Variants in VPS54 observed in about 807,000 individuals in gnomAD.
VPS54 encodes the protein vacuolar protein sorting-associated protein 54.
In VPS54, 45 loss-of-function variants were observed where a neutral mutation model predicts 121.5. That is an observed-to-expected ratio of 0.37 (90% confidence interval 0.29 to 0.47). The LOEUF is 0.47. Ranked by LOEUF, VPS54 falls within the 20% of genes least tolerant of loss-of-function variation. VPS54 has a pLI of 0.99. For missense variants in VPS54, 1,090 were observed against 1,131.4 expected (o/e 0.96, Z 0.52); for synonymous variants, 371 against 385.8 (o/e 0.96, Z 0.45).
At chr2:63,893,624 T>A in intron 22 of VPS54, 89 bp from the exon 23 acceptor site, 4 of 1,147,246 alleles carry the variant, frequency 3.5e-6, no homozygotes, top group Non-Finnish European at 4.9e-6. Flanking sequence ...CAGAGTCCTA[T>A]TATCTAAAAT....
chr2:64,010,885 AC>A (rs546318050), intron 1 of VPS54, among the ~76,000 whole-genome samples: 48 of 152,172 alleles, frequency 3.2e-4, no homozygotes, highest in Non-Finnish European at 6.2e-4. Context: ...GGCTTAAGGA[AC>A]CCAGAAAATA....
intron 1 of VPS54, among the ~76,000 whole-genome samples, chr2:63,996,167 C>T (rs1017258292): frequency 5.9e-5 from 9 of 152,124 alleles, no homozygotes; most frequent in African/African-American, 1.9e-4. Context: ...ACGGAGGGAC[C>T]GGCTGAAGCC....
At chr2:63,907,128 A>C (rs184421294) in intron 20 of VPS54, among the ~76,000 whole-genome samples, 2 of 152,324 alleles carry the variant, frequency 1.3e-5, no homozygotes, top group African/African-American at 2.4e-5. Context: ...TTATATATAA[A>C]TATCAACTAG....
At position 63,915,151 on chromosome 2, in the gene VPS54, C is replaced by CAAA. The variant is rs5831674; in HGVS notation, c.2229-867_2229-865dup. ...GGGCAACAAGAGCAAAGCTCCGTCT[C>CAAA]AAAAAAAAAAAAAAAAAAAAAAAAA... is the stretch of plus-strand genomic sequence containing the variant. On this transcript the variant is annotated intron_variant, in intron 16 of 22. Coordinates refer to ENST00000272322, the MANE Select transcript of VPS54 (RefSeq NM_016516.3). 1.0e-3 allele frequency among the ~76,000 whole-genome samples: 24 copies of CAAA among 23,822 alleles called. 1 individual carries two copies. Among genetic ancestry groups the CAAA allele is most frequent in the South Asian group, 7.5e-3 (4 of 536 alleles). 15.6% of individuals were successfully genotyped at this position (23,822 alleles called of 152,430 possible). A position where few individuals can be genotyped will look rare whatever the true frequency, so the allele number is the denominator to read the frequency against.
At chr2:63,992,719 G>A (rs963569606) in intron 1 of VPS54, among the ~76,000 whole-genome samples, 1 of 152,242 alleles carries the variant, frequency 6.6e-6, no homozygotes, top group Non-Finnish European at 1.5e-5. Flanking sequence ...ACCAATTTAA[G>A]GGCCATTAAT....
At chr2:63,906,914 C>A (rs973684658) in intron 20 of VPS54, among the ~76,000 whole-genome samples, 1 of 152,094 alleles carries the variant, frequency 6.6e-6, no homozygotes, top group Non-Finnish European at 1.5e-5. Flanking sequence ...TGAAAAAGAA[C>A]AAAATTAGTG....
intron 3 of VPS54, among the ~76,000 whole-genome samples, chr2:63,976,490 T>A (rs1676537895): frequency 6.6e-6 from 1 of 152,182 alleles, no homozygotes; most frequent in Non-Finnish European, 1.5e-5. Context: ...TAGCTTCTAT[T>A]TCCTGAAATA....
At chr2:63,994,977 AG>A (rs1279440911) in intron 1 of VPS54, among the ~76,000 whole-genome samples, 2 of 152,174 alleles carry the variant, frequency 1.3e-5, no homozygotes, top group Admixed American at 6.5e-5. Flanking sequence ...TTTGCATAGG[AG>A]GTTCAGCTCA....
rs1233771554 is a variant in VPS54 at position 63,911,539 on chromosome 2, G to A, written c.2625+806C>T. Among the ~76,000 whole-genome samples the A allele has an allele frequency of 2.6e-5, 4 of 152,108 alleles. No individual in the cohort carries two copies. In the East Asian group the frequency reaches 7.7e-4, roughly 29 times the overall value. ...CATGATTGAACAGTGGGGATTTTTA[G>A]ATGACTTGTGATATCATTATTCTGA... On this transcript the variant is annotated intron_variant, in intron 20 of 22. Transcript: ENST00000272322.
intron 12 of VPS54, among the ~76,000 whole-genome samples, chr2:63,924,441 T>C (rs1228925537): frequency 6.6e-6 from 1 of 152,176 alleles, no homozygotes; most frequent in African/African-American, 2.4e-5. Flanking sequence ...ATCTAAAATG[T>C]ATATGGATTT....
At chr2:64,014,332 A>AT (rs1365830668) in intron 1 of VPS54, among the ~76,000 whole-genome samples, 1 of 152,226 alleles carries the variant, frequency 6.6e-6, no homozygotes, top group Non-Finnish European at 1.5e-5. Flanking sequence ...ACTTCCAAAA[A>AT]TTTTAACTCT....
At chr2:63,902,107 G>C (rs1558978486) in intron 20 of VPS54, among the ~76,000 whole-genome samples, 1 of 152,184 alleles carries the variant, frequency 6.6e-6, no homozygotes, top group Admixed American at 6.5e-5. Flanking sequence ...GAAGTTGAGA[G>C]CAGAAGTATG....
At chr2:63,945,102 A>G (rs1003019096) in intron 9 of VPS54, among the ~76,000 whole-genome samples, 2 of 152,230 alleles carry the variant, frequency 1.3e-5, no homozygotes, top group African/African-American at 4.8e-5. Flanking sequence ...TGTCCACTGT[A>G]GCACTATTCA....
chr2:63,995,565 A>T (rs1460831266), intron 1 of VPS54, among the ~76,000 whole-genome samples: 1 of 152,232 alleles, frequency 6.6e-6, no homozygotes, highest in African/African-American at 2.4e-5. Context: ...ACATCAGTCT[A>T]TTCAAACAGC....
intron 1 of VPS54, among the ~76,000 whole-genome samples, chr2:63,996,861 C>T (rs1462456173): frequency 6.6e-6 from 1 of 152,150 alleles, no homozygotes; most frequent in Non-Finnish European, 1.5e-5. Context: ...TGACCTTGCC[C>T]TGCCCATTTG....
intron 6 of VPS54, among the ~76,000 whole-genome samples, chr2:63,963,995 T>C (rs1033034433): frequency 2.6e-5 from 4 of 152,180 alleles, no homozygotes; most frequent in Non-Finnish European, 4.4e-5. Flanking sequence ...AGTGCAGTGA[T>C]TTGCATTCCA....
At chr2:63,898,357 T>A (rs1385818154) in intron 21 of VPS54, among the ~76,000 whole-genome samples, 1 of 152,034 alleles carries the variant, frequency 6.6e-6, no homozygotes, top group African/African-American at 2.4e-5. Flanking sequence ...AAGAAGAAAT[T>A]AGAAGGAAAA....
At chr2:63,944,200 C>T (rs1183479328) in intron 10 of VPS54, among the ~76,000 whole-genome samples, 1 of 152,124 alleles carries the variant, frequency 6.6e-6, no homozygotes, top group Non-Finnish European at 1.5e-5. Flanking sequence ...TCCAATTTCA[C>T]CTCTCCATAT....
At chr2:63,915,108 G>A (rs1007077583) in intron 16 of VPS54, among the ~76,000 whole-genome samples, 1 of 132,592 alleles carries the variant, frequency 7.5e-6, no homozygotes, top group Non-Finnish European at 1.5e-5. Context: ...CTGAGATCAT[G>A]CCATGGCACT....
Sources: allele counts gnomAD v4.1 joint callset (sites outside exome capture counted in the v4.1 genomes callset), GRCh38; gene constraint gnomAD v4.1.1; transcripts MANE v1.5; gene names NCBI Gene and HGNC (gene_info 2026-07-23, HGNC 2026-07-21).